Variants in LRBA observed in about 807,000 individuals in gnomAD.
LRBA encodes LPS responsive beige-like anchor protein.
LRBA carries 176 observed loss-of-function variants against 330.0 expected under a neutral mutation model. The ratio of observed to expected loss-of-function variants is 0.53; its 90% CI spans 0.47 to 0.60. The LOEUF (loss-of-function observed/expected upper bound fraction) is 0.60. Ranked by LOEUF, LRBA falls within the 20% of genes least tolerant of loss-of-function variation. LRBA has a pLI of 0.00. For synonymous variants in LRBA, 1,230 were observed against 1,193.0 expected (o/e 1.03, Z -0.64); for missense variants, 3,259 against 3,444.8 (o/e 0.95, Z 1.35).
intron 47 of LRBA, among the ~76,000 whole-genome samples, chr4:150,374,229 C>T (rs951957132): frequency 5.3e-5 from 8 of 152,080 alleles, no homozygotes; most frequent in African/African-American, 1.9e-4. Context: ...ATCTGCTAAC[C>T]ACTCCTTATT....
At chr4:150,805,103 C>G (rs1310687986) in intron 33 of LRBA, among the ~76,000 whole-genome samples, 1 of 151,360 alleles carries the variant, frequency 6.6e-6, no homozygotes, top group Admixed American at 6.6e-5. Flanking sequence ...AATCTACTTT[C>G]ACTTGGTTAA....
intron 40 of LRBA, among the ~76,000 whole-genome samples, chr4:150,535,462 T>C (rs1265986760): frequency 6.6e-6 from 1 of 152,198 alleles, no homozygotes; most frequent in Non-Finnish European, 1.5e-5. Context: ...ATTGTTTCAC[T>C]CATTTTTCTT....
chr4:150,541,449 T>C (rs1765310474), intron 40 of LRBA, among the ~76,000 whole-genome samples: 1 of 152,204 alleles, frequency 6.6e-6, no homozygotes, highest in Non-Finnish European at 1.5e-5. Context: ...AATATATTTC[T>C]GAAACTACTG....
At chr4:150,442,010 TTTATATATGAATG>T (rs1751906701) in intron 44 of LRBA, among the ~76,000 whole-genome samples, 1 of 152,168 alleles carries the variant, frequency 6.6e-6, no homozygotes. Flanking sequence ...CCTTCTGAAA[TTTATATATGAATG>T]ATTACAATTA....
chr4:150,523,115 C>T (rs1045235522), intron 40 of LRBA, among the ~76,000 whole-genome samples: 2 of 152,154 alleles, frequency 1.3e-5, no homozygotes, highest in East Asian at 1.9e-4. Context: ...ATATTCTGGA[C>T]GTTAAACTTT....
At chr4:150,745,504 CTTTGTTT>C (rs1393684947) in intron 35 of LRBA, among the ~76,000 whole-genome samples, 19 of 151,722 alleles carry the variant, frequency 1.3e-4, no homozygotes, top group East Asian at 7.7e-4. Context: ...AGAAAAAAAC[CTTTGTTT>C]TTTGTTTTTT....
At chr4:150,839,738 G>A (rs1748761563) in intron 28 of LRBA, among the ~76,000 whole-genome samples, 1 of 152,188 alleles carries the variant, frequency 6.6e-6, no homozygotes, top group African/African-American at 2.4e-5. Context: ...GGCCTGTCAT[G>A]GGGCGGGGTT....
chr4:150,798,782 T>C (rs1224407796), intron 33 of LRBA, among the ~76,000 whole-genome samples: 3 of 152,222 alleles, frequency 2.0e-5, no homozygotes, highest in Non-Finnish European at 4.4e-5. Flanking sequence ...AAGAAGTCTT[T>C]GGTTTTAATT....
intron 40 of LRBA, among the ~76,000 whole-genome samples, chr4:150,536,985 A>G (rs1178889076): frequency 6.6e-6 from 1 of 152,244 alleles, no homozygotes; most frequent in Non-Finnish European, 1.5e-5. Context: ...TAACTATTCT[A>G]AAATCATATG....
intron 47 of LRBA, among the ~76,000 whole-genome samples, chr4:150,412,909 A>T (rs1747212325): frequency 6.6e-6 from 1 of 151,438 alleles, no homozygotes; most frequent in Non-Finnish European, 1.5e-5. Flanking sequence ...GATTCAAAAG[A>T]CACCATTAAA....
intron 40 of LRBA, among the ~76,000 whole-genome samples, chr4:150,499,238 T>C (rs1759949654): frequency 6.6e-6 from 1 of 152,236 alleles, no homozygotes; most frequent in African/African-American, 2.4e-5. Context: ...AAAAAAATCA[T>C]AATATAAATT....
At chr4:150,899,216 A>G (rs1036653040) in intron 14 of LRBA, among the ~76,000 whole-genome samples, 4 of 152,220 alleles carry the variant, frequency 2.6e-5, no homozygotes, top group African/African-American at 9.6e-5. Flanking sequence ...AGACTAAAAG[A>G]GACTTTCACT....
chr4:150,266,298 G>A (rs1392539531), intron 56 of LRBA, among the ~76,000 whole-genome samples: 4 of 152,220 alleles, frequency 2.6e-5, no homozygotes, highest in Non-Finnish European at 1.5e-5. Flanking sequence ...AAAGAAGAGT[G>A]TTGTTGACCA....
chr4:150,506,070 T>G (rs1192638572), intron 40 of LRBA, among the ~76,000 whole-genome samples: 1 of 152,148 alleles, frequency 6.6e-6, no homozygotes, highest in Non-Finnish European at 1.5e-5. Context: ...GGCTCTGAAA[T>G]TGAGGCAATA....
At chr4:150,984,858 T>TA (rs1554013870) in intron 2 of LRBA, among the ~76,000 whole-genome samples, 2 of 151,996 alleles carry the variant, frequency 1.3e-5, no homozygotes, top group South Asian at 2.1e-4. Context: ...AGTGATGGCT[T>TA]AAAAAAAACA....
rs1216353945 is a variant in LRBA at position 151,001,546 on chromosome 4, C to T, written c.216+12881G>A. ...ACCTATCCTGAGGATAGGGCTACCC[C>T]CCACCTGCCGCTACCACCACAGCTG... On this transcript the variant is annotated intron_variant, in intron 2 of 56. Coordinates refer to ENST00000651943, the MANE Select transcript of LRBA (RefSeq NM_001364905.1). Among the ~76,000 whole-genome samples, 7 of 152,198 alleles carry T rather than the reference C, an allele frequency of 4.6e-5. No homozygotes were observed. The South Asian group carries it at 1.2e-3, about 27-fold the overall frequency.
chr4:150,770,908 T>C (rs1354492097), intron 34 of LRBA, among the ~76,000 whole-genome samples: 1 of 152,154 alleles, frequency 6.6e-6, no homozygotes, highest in African/African-American at 2.4e-5. Flanking sequence ...AGGAATCTCT[T>C]GTATTCTAGA....
chr4:150,690,568 C>A (rs1335912798), intron 36 of LRBA, among the ~76,000 whole-genome samples: 5 of 151,226 alleles, frequency 3.3e-5, no homozygotes, highest in Non-Finnish European at 7.4e-5. Flanking sequence ...GACTTCACAC[C>A]CTTCCCACCA....
chr4:150,541,736 G>C (rs541105855), intron 40 of LRBA, among the ~76,000 whole-genome samples: 1 of 152,278 alleles, frequency 6.6e-6, no homozygotes, highest in East Asian at 1.9e-4. Context: ...AGGCTGGAGT[G>C]CAGTGGATGC....
Sources: gnomAD v4.1 joint callset for allele counts (sites outside exome capture counted in the v4.1 genomes callset) on GRCh38, gnomAD v4.1.1 for gene constraint, MANE v1.5 for transcripts, NCBI Gene and HGNC (gene_info 2026-07-23, HGNC 2026-07-21) for gene names.